ARHGAP44: variants seen among roughly 807,000 people sequenced by gnomAD.
ARHGAP44 encodes Rho GTPase activating protein 44.
A neutral mutation model predicts 106.8 loss-of-function variants in ARHGAP44; 43 were observed. The observed-to-expected ratio is 0.40, with a 90% confidence interval of 0.32 to 0.52. The LOEUF (loss-of-function observed/expected upper bound fraction) is 0.52. Ranked by LOEUF, ARHGAP44 falls within the 20% of genes least tolerant of loss-of-function variation. The pLI is 0.48. For missense variants in ARHGAP44, 866 were observed against 1,050.5 expected (o/e 0.82, Z 2.43); for synonymous variants, 439 against 410.3 (o/e 1.07, Z -0.85).
At chr17:12,799,620 C>T (rs1420049440) in intron 1 of ARHGAP44, among the ~76,000 whole-genome samples, 2 of 152,268 alleles carry the variant, frequency 1.3e-5, no homozygotes, top group Middle Eastern at 3.4e-3. Flanking sequence ...AGTCTTCTTT[C>T]TCTCCGCTTC....
intron 7 of ARHGAP44, among the ~76,000 whole-genome samples, chr17:12,935,139 G>C (rs557134512): frequency 6.6e-6 from 1 of 151,990 alleles, no homozygotes; most frequent in South Asian, 2.1e-4. Context: ...CCATTTTAAG[G>C]TCAAAAAATA....
chr17:12,896,173 G>A (rs1281359840), intron 2 of ARHGAP44, among the ~76,000 whole-genome samples: 1 of 151,770 alleles, frequency 6.6e-6, no homozygotes, highest in African/African-American at 2.4e-5. Flanking sequence ...ACGAGTTAAT[G>A]GGTGCAGCAC....
chr17:12,871,517 G>A (rs1177025767), intron 1 of ARHGAP44, among the ~76,000 whole-genome samples: 1 of 152,114 alleles, frequency 6.6e-6, no homozygotes, highest in African/African-American at 2.4e-5. Flanking sequence ...TGTAGCCAGA[G>A]CAGGAGGAAG....
chr17:12,934,565 G>T (rs1440859962), intron 7 of ARHGAP44, among the ~76,000 whole-genome samples: 1 of 152,178 alleles, frequency 6.6e-6, no homozygotes. Flanking sequence ...AAACCTACGA[G>T]CAAGCGTGGC....
chr17:12,986,074 C>A (rs1376696029), intron 20 of ARHGAP44: 2 of 152,174 alleles, frequency 1.3e-5, no homozygotes. Flanking sequence ...AAGGCTAGTC[C>A]AATTTGCAAG....
chr17:12,874,626 G>A (rs995565417), intron 1 of ARHGAP44, among the ~76,000 whole-genome samples: 10 of 151,976 alleles, frequency 6.6e-5, no homozygotes, highest in African/African-American at 1.9e-4. Flanking sequence ...CAGCTACTTC[G>A]GAGGCTGAGA....
At chr17:12,911,774 T>C (rs746108470) in intron 4 of ARHGAP44, among the ~76,000 whole-genome samples, 15 of 152,182 alleles carry the variant, frequency 9.9e-5, no homozygotes, top group Admixed American at 3.9e-4. Flanking sequence ...AAGAAGAGGC[T>C]CGAGTGATCT....
intron 1 of ARHGAP44, among the ~76,000 whole-genome samples, chr17:12,812,084 TG>T (rs771265495): frequency 6.0e-4 from 91 of 152,288 alleles, no homozygotes; most frequent in Non-Finnish European, 9.0e-4. Context: ...TTTTTCTGCC[TG>T]CTTTGTGCCA....
At position 12,860,764 on chromosome 17, in the gene ARHGAP44, G is replaced by A. The variant is rs373145198; in HGVS notation, c.54-34176G>A. 4.3e-4 allele frequency among the ~76,000 whole-genome samples: 66 copies of A among 152,214 alleles called. 2 individuals are homozygous for A. The South Asian group carries it at 0.011, about 26-fold the overall frequency. ...GACTAACTTCACCCTTTGATTCAGG[G>A]AAGGGATGTGACTTGGGTCTAGCCA... On this transcript the variant is annotated intron_variant, in intron 1 of 20. Transcript: ENST00000379672.
At chr17:12,919,608 A>G (rs991252123) in intron 5 of ARHGAP44, 147 bp from the exon 6 acceptor site, 45 of 530,558 alleles carry the variant, frequency 8.5e-5, no homozygotes, top group African/African-American at 8.4e-4. Flanking sequence ...CTGGTCTCGA[A>G]CTCCTGACCT....
At chr17:12,903,186 T>TGTGTGTGTG (rs1598027201) in intron 3 of ARHGAP44, among the ~76,000 whole-genome samples, 17 of 127,680 alleles carry the variant, frequency 1.3e-4, no homozygotes, top group Admixed American at 4.5e-4. Flanking sequence ...TGTGTGTGTG[T>TGTGTGTGTG]TTGGAGGAAT....
intron 1 of ARHGAP44, among the ~76,000 whole-genome samples, chr17:12,869,491 T>C (rs2036341567): frequency 6.6e-6 from 1 of 152,148 alleles, no homozygotes; most frequent in South Asian, 2.1e-4. Flanking sequence ...AAATTTACCA[T>C]CTTAACCATT....
chr17:12,976,854 T>G (rs922440525), intron 18 of ARHGAP44, among the ~76,000 whole-genome samples: 2 of 152,064 alleles, frequency 1.3e-5, no homozygotes, highest in African/African-American at 4.8e-5. Context: ...CTGAGAGTGG[T>G]GGGCCAGGTG....
chr17:12,854,251 A>G (rs1014826889), intron 1 of ARHGAP44, among the ~76,000 whole-genome samples: 1 of 152,212 alleles, frequency 6.6e-6, no homozygotes, highest in African/African-American at 2.4e-5. Context: ...TAGCACTGCT[A>G]GCTACTTATG....
At chr17:12,956,597 C>A in intron 14 of ARHGAP44, 58 bp from the exon 15 acceptor site, 1 of 1,507,146 alleles carries the variant, frequency 6.6e-7, no homozygotes, top group South Asian at 1.1e-5. Flanking sequence ...GACCATGGGC[C>A]TCAAAGCTTG....
intron 13 of ARHGAP44, among the ~76,000 whole-genome samples, chr17:12,955,385 C>T (rs1403512163): frequency 6.6e-6 from 1 of 152,164 alleles, no homozygotes; most frequent in African/African-American, 2.4e-5. Context: ...AGTAGAATTG[C>T]TGGATCATAT....
rs2037154719 is a variant in ARHGAP44 at position 12,894,860 on chromosome 17, T to C, written c.54-80T>C. ...ATGTCTCTGTTTTTCTGGTATTGCC[T>C]TAATTGAAGAGATTAGGGAGTAATT... On this transcript the variant is annotated intron_variant, in intron 1 of 20. Coordinates refer to ENST00000379672, the MANE Select transcript of ARHGAP44 (RefSeq NM_014859.6). The C allele has an allele frequency of 2.1e-5, 28 of 1,312,244 alleles. No homozygotes were observed. In the South Asian group the frequency reaches 3.4e-4, roughly 16 times the overall value. 81.3% of individuals were successfully genotyped at this position (1,312,244 alleles called of 1,614,324 possible).
At chr17:12,830,179 A>G (rs1206139902) in intron 1 of ARHGAP44, among the ~76,000 whole-genome samples, 1 of 152,222 alleles carries the variant, frequency 6.6e-6, no homozygotes, top group Non-Finnish European at 1.5e-5. Flanking sequence ...CTTTGCCAAA[A>G]AGAACTATGA....
At chr17:12,868,920 G>C (rs2036322620) in intron 1 of ARHGAP44, among the ~76,000 whole-genome samples, 1 of 151,460 alleles carries the variant, frequency 6.6e-6, no homozygotes, top group Non-Finnish European at 1.5e-5. Flanking sequence ...CCTCCCAAAG[G>C]CTGGGATTAC....
Sources: allele counts gnomAD v4.1 joint callset (sites outside exome capture counted in the v4.1 genomes callset), GRCh38; gene constraint gnomAD v4.1.1; transcripts MANE v1.5; gene names NCBI Gene and HGNC (gene_info 2026-07-23, HGNC 2026-07-21).